LCORL: variants seen among roughly 807,000 people sequenced by gnomAD.
The protein encoded by LCORL is ligand dependent nuclear receptor corepressor like, also known as ligand-dependent nuclear receptor corepressor-like protein.
Under a neutral mutation model 141.8 loss-of-function variants are expected in LCORL, and 41 were observed. That is an observed-to-expected ratio of 0.29 (90% CI 0.23 to 0.38). The LOEUF is 0.38. Ranked by LOEUF, LCORL falls within the 10% of genes least tolerant of loss-of-function variation. The pLI, the probability that LCORL is intolerant of heterozygous loss-of-function variation, is 1.00. For synonymous variants in LCORL, 618 were observed against 694.1 expected (o/e 0.89, Z 1.72); for missense variants, 1,759 against 2,035.0 (o/e 0.86, Z 2.61).
chr4:17,973,166 T>C (rs761761950), intron 1 of LCORL, among the ~76,000 whole-genome samples: 1 of 151,860 alleles, frequency 6.6e-6, no homozygotes, highest in African/African-American at 2.4e-5. Flanking sequence ...GGGTAAAATA[T>C]TATGGGCAGA....
chr4:17,998,843 G>A (rs1358583620), intron 1 of LCORL, among the ~76,000 whole-genome samples: 5 of 149,262 alleles, frequency 3.3e-5, no homozygotes, highest in Admixed American at 6.7e-5. Flanking sequence ...TGCACATCGG[G>A]AAACTTAGCT....
chr4:17,928,584 C>T (rs926745557), intron 4 of LCORL, among the ~76,000 whole-genome samples: 3 of 152,104 alleles, frequency 2.0e-5, no homozygotes, highest in African/African-American at 7.2e-5. Flanking sequence ...AGAAAATGTC[C>T]TTAATCTCAT....
At chr4:17,882,332 A>C in intron 6 of LCORL, 1 of 984,648 alleles carries the variant, frequency 1.0e-6, no homozygotes, top group Non-Finnish European at 1.2e-6. Flanking sequence ...CACTCAGAGA[A>C]TTTTGAATAC....
intron 2 of LCORL, among the ~76,000 whole-genome samples, chr4:17,972,146 G>A (rs1401752542): frequency 6.6e-6 from 1 of 151,720 alleles, no homozygotes; most frequent in Admixed American, 6.6e-5. Flanking sequence ...TACAGGTTTA[G>A]GTGACTAAAG....
At chr4:17,926,631 G>A (rs920396485) in intron 4 of LCORL, among the ~76,000 whole-genome samples, 1 of 152,196 alleles carries the variant, frequency 6.6e-6, no homozygotes, top group Non-Finnish European at 1.5e-5. Context: ...TCCTCAGCTT[G>A]CAGACAGCCT....
intron 5 of LCORL, among the ~76,000 whole-genome samples, chr4:17,890,659 C>A (rs369188871): frequency 6.6e-6 from 1 of 152,070 alleles, no homozygotes; most frequent in East Asian, 1.9e-4. Context: ...TCTGACCAAA[C>A]GCTATTGTAA....
intron 4 of LCORL, among the ~76,000 whole-genome samples, chr4:17,941,514 G>A (rs1225426195): frequency 6.6e-6 from 1 of 151,232 alleles, no homozygotes; most frequent in Non-Finnish European, 1.5e-5. Context: ...TAATTATTCT[G>A]TATCAATGTT....
intron 1 of LCORL, among the ~76,000 whole-genome samples, chr4:18,017,063 G>C (rs773195230): frequency 6.6e-6 from 1 of 152,134 alleles, no homozygotes; most frequent in South Asian, 2.1e-4. Flanking sequence ...GGAGTATCTT[G>C]TTTTTGCAGA....
At chr4:17,913,595 C>A (rs937126869) in intron 4 of LCORL, among the ~76,000 whole-genome samples, 3 of 152,192 alleles carry the variant, frequency 2.0e-5, no homozygotes, top group African/African-American at 7.2e-5. Context: ...CTGAGAAAGG[C>A]AGCCAAAGCT....
intron 7 of LCORL, among the ~76,000 whole-genome samples, chr4:17,855,526 A>G (rs1233504998): frequency 6.6e-6 from 1 of 152,200 alleles, no homozygotes; most frequent in Non-Finnish European, 1.5e-5. Context: ...AATTGATTGC[A>G]TTAATAGTCC....
intron 1 of LCORL, among the ~76,000 whole-genome samples, chr4:17,988,298 C>A (rs929154057): frequency 6.6e-6 from 1 of 152,112 alleles, no homozygotes; most frequent in African/African-American, 2.4e-5. Context: ...AACTAATACA[C>A]AGGGTCTCAT....
intron 7 of LCORL, among the ~76,000 whole-genome samples, chr4:17,864,883 G>C (rs1253088149): frequency 6.6e-6 from 1 of 152,120 alleles, no homozygotes; most frequent in Non-Finnish European, 1.5e-5. Context: ...TTCAGAGTAA[G>C]GAACATTTCC....
At chr4:17,876,662 A>G (rs1726956990) in exon 7 of LCORL, 3 of 1,230,760 alleles carry the variant, frequency 2.4e-6, no homozygotes, top group Non-Finnish European at 3.0e-6. Context: ...CTGGAGGCAC[A>G]ATATTTCGTT....
intron 1 of LCORL, among the ~76,000 whole-genome samples, chr4:18,020,199 T>A (rs989027690): frequency 6.6e-6 from 1 of 152,202 alleles, no homozygotes; most frequent in Admixed American, 6.5e-5. Flanking sequence ...TTTAACCTAA[T>A]ACGATCTCTT....
chr4:18,021,639 C>T lies in LCORL; in HGVS notation c.113G>A (p.Arg38Gln). Residue 38 changes from arginine (R) to glutamine (Q), a missense_variant, in exon 1 of 8, where the codon CGG (arginine) becomes CAG (glutamine). Physicochemically the swap from Arg to Gln is conservative, Grantham distance 43 (BLOSUM62 1). Transcript: ENST00000635767. The surrounding 1 kb of genome is among the most constrained non-coding windows in gnomAD (Gnocchi z 5.5). ...GCGGTGGCGCCAAGAGTCGAGTTCC[C>T]GCCGGAATCCTCTTCTCTCCGCCGC... is the stretch of plus-strand genomic sequence containing the variant. 3.2e-6 allele frequency: 5 copies of T among 1,545,922 alleles called. No individual in the cohort carries two copies. In the South Asian group the frequency reaches 3.6e-5, roughly 11 times the overall value.
At chr4:17,867,703 T>A (rs1390184894) in intron 7 of LCORL, among the ~76,000 whole-genome samples, 1 of 152,184 alleles carries the variant, frequency 6.6e-6, no homozygotes, top group African/African-American at 2.4e-5. Flanking sequence ...AGAAAAAGTA[T>A]CCAATGTTTG....
chr4:17,861,150 G>C (rs1433985222), intron 7 of LCORL, among the ~76,000 whole-genome samples: 1 of 152,216 alleles, frequency 6.6e-6, no homozygotes. Context: ...TGGGGGCTGT[G>C]ACTCCACATT....
intron 1 of LCORL, among the ~76,000 whole-genome samples, chr4:18,008,951 A>G (rs1723230466): frequency 1.3e-5 from 2 of 152,160 alleles, no homozygotes. Context: ...GTAAATGTCT[A>G]CATAATGACC....
chr4:17,937,613 C>T (rs1391238588), intron 4 of LCORL, among the ~76,000 whole-genome samples: 1 of 152,152 alleles, frequency 6.6e-6, no homozygotes, highest in Non-Finnish European at 1.5e-5. Flanking sequence ...TCCTTTTTCA[C>T]ATCATTCTCC....
Sources: allele counts gnomAD v4.1 joint callset (sites outside exome capture counted in the v4.1 genomes callset), GRCh38; gene constraint gnomAD v4.1.1; non-coding constraint Gnocchi (gnomAD v3.1); transcripts MANE v1.5; gene names NCBI Gene and HGNC (gene_info 2026-07-23, HGNC 2026-07-21).